TXNRD2: variants seen among roughly 807,000 people sequenced by gnomAD.
TXNRD2 encodes the protein thioredoxin reductase 2, mitochondrial.
Under a neutral mutation model 70.8 loss-of-function variants are expected in TXNRD2, and 67 were observed. The observed-to-expected ratio is 0.95, with a 90% CI of 0.78 to 1.16. The LOEUF (loss-of-function observed/expected upper bound fraction) is 1.16. TXNRD2 is among the 50% of genes most tolerant of loss of function. The pLI is 0.00. For synonymous variants in TXNRD2, 301 were observed against 295.8 expected (o/e 1.02, Z -0.18); for missense variants, 644 against 719.9 (o/e 0.89, Z 1.21).
chr22:19,898,958 G>C (rs942642652), intron 9 of TXNRD2, 91 bp downstream of exon 9: 2 of 1,527,290 alleles, frequency 1.3e-6, no homozygotes, highest in African/African-American at 2.7e-5. Context: ...AGGCAGCAAA[G>C]AGCCTGCCGG....
intron 1 of TXNRD2, among the ~76,000 whole-genome samples, chr22:19,939,279 T>C (rs1021683216): frequency 2.6e-5 from 4 of 152,222 alleles, no homozygotes; most frequent in Non-Finnish European, 5.9e-5. Flanking sequence ...AATGGCAATG[T>C]AAACCCCTCT....
At chr22:19,923,000 T>C (rs377386734) in intron 2 of TXNRD2, among the ~76,000 whole-genome samples, 1 of 152,172 alleles carries the variant, frequency 6.6e-6, no homozygotes, top group African/African-American at 2.4e-5. Flanking sequence ...AAGGATATTA[T>C]ATGCAATTTG....
intron 8 of TXNRD2, among the ~76,000 whole-genome samples, chr22:19,902,112 A>G (rs3788316): frequency 0.21 from 31,814 of 152,120 alleles, 4,335 homozygotes; most frequent in African/African-American, 0.38. Context: ...AAGGAGGATC[A>G]CTTGAGCCTA....
At chr22:19,892,404 G>A (rs1939305962) in intron 11 of TXNRD2, among the ~76,000 whole-genome samples, 1 of 152,244 alleles carries the variant, frequency 6.6e-6, no homozygotes, top group Non-Finnish European at 1.5e-5. Flanking sequence ...AGGGTCAGAG[G>A]CCAAGGACTG....
rs1202614629 is a variant in TXNRD2 at position 19,915,771 on chromosome 22, C to T, written c.522G>A (p.Gly174=). 6.2e-7 allele frequency: 1 copy of T among 1,614,100 alleles called. No homozygotes were observed. Among genetic ancestry groups the T allele is most frequent in the Admixed American group, 1.7e-5 (1 of 60,006 alleles). ...GAGTAAGTCAGATGCTCACCTCTTT[C>T]CCACCTTTGGCAACGCCGCAAACCG... ...EHTVCGVAKG[G]KEILLSADHI... Residue 174 remains glycine (G), a synonymous_variant, in exon 6 of 18, where the codon GGG becomes GGA. Coordinates refer to ENST00000400521, the MANE Select transcript of TXNRD2 (RefSeq NM_006440.5).
intron 7 of TXNRD2, 126 bp downstream of exon 7, chr22:19,915,088 T>C (rs1940573340): frequency 2.3e-6 from 2 of 872,186 alleles, no homozygotes; most frequent in African/African-American, 1.7e-5. Context: ...AAAGTGATGA[T>C]AGTGAGTATA....
At chr22:19,933,380 A>G in intron 1 of TXNRD2, 1 of 1,190,888 alleles carries the variant, frequency 8.4e-7, no homozygotes, top group Non-Finnish European at 1.1e-6. Context: ...ATGGAGAAGC[A>G]TCTCTCTCCT....
chr22:19,918,847 G>A lies in TXNRD2; in HGVS notation c.374+13C>T, dbSNP rs9606178. ...AAGAAAAGCACTGGAATGCCACGGC[G>A]CCAGATCCTTACCAGTCATGCGGCA... is the stretch of plus-strand genomic sequence containing the variant. On this transcript the variant is annotated intron_variant, in intron 4 of 17. Coordinates refer to ENST00000400521, the MANE Select transcript of TXNRD2 (RefSeq NM_006440.5). 0.031 allele frequency: 49,718 copies of A among 1,604,982 alleles called. 1,034 individuals carry two copies. The highest frequency in any genetic ancestry group is 0.076 in the South Asian group (6,954 of 91,052).
intron 5 of TXNRD2, among the ~76,000 whole-genome samples, chr22:19,917,305 G>C (rs1321440573): frequency 1.3e-5 from 2 of 152,180 alleles, no homozygotes; most frequent in Non-Finnish European, 2.9e-5. Flanking sequence ...GCCCCACAGA[G>C]AAACACAGAA....
At chr22:19,926,023 C>T (rs1230777246) in intron 2 of TXNRD2, among the ~76,000 whole-genome samples, 5 of 151,534 alleles carry the variant, frequency 3.3e-5, no homozygotes, top group Non-Finnish European at 7.4e-5. Context: ...ATTAGCCAGG[C>T]GTGGTGGTGC....
intron 10 of TXNRD2, among the ~76,000 whole-genome samples, chr22:19,895,863 C>T (rs980536774): frequency 2.6e-5 from 4 of 152,198 alleles, no homozygotes; most frequent in East Asian, 1.9e-4. Flanking sequence ...CAGCCAGATA[C>T]GGTCACACCT....
chr22:19,920,826 G>A (rs527717360), intron 2 of TXNRD2, among the ~76,000 whole-genome samples: 6 of 152,340 alleles, frequency 3.9e-5, no homozygotes, highest in East Asian at 3.9e-4. Flanking sequence ...TGCTTGGCTG[G>A]GTGCAGCGGC....
intron 8 of TXNRD2, among the ~76,000 whole-genome samples, chr22:19,909,934 A>C (rs1940322333): frequency 3.6e-5 from 3 of 83,588 alleles, no homozygotes; most frequent in Admixed American, 2.6e-4. Context: ...CACACACACC[A>C]CTCACACACC....
At chr22:19,889,004 G>A (rs1012140412) in intron 11 of TXNRD2, among the ~76,000 whole-genome samples, 3 of 151,650 alleles carry the variant, frequency 2.0e-5, no homozygotes, top group East Asian at 1.9e-4. Flanking sequence ...CCATCGAGAC[G>A]CCATGTTAGT....
At chr22:19,883,490 G>A (rs1346123201) in intron 11 of TXNRD2, 29 bp from the exon 12 acceptor site, 5 of 1,613,716 alleles carry the variant, frequency 3.1e-6, no homozygotes, top group Non-Finnish European at 3.4e-6. Context: ...GGGCTGAAAG[G>A]TTATCTTCAG....
chr22:19,920,728 A>G (rs1187268422), intron 2 of TXNRD2, among the ~76,000 whole-genome samples: 1 of 152,264 alleles, frequency 6.6e-6, no homozygotes, highest in African/African-American at 2.4e-5. Flanking sequence ...CATGAACCCT[A>G]AAATGCCAAG....
chr22:19,897,011 C>A (rs1183784742), intron 10 of TXNRD2, among the ~76,000 whole-genome samples: 3 of 152,216 alleles, frequency 2.0e-5, no homozygotes, highest in African/African-American at 7.2e-5. Flanking sequence ...GCACGGCCCC[C>A]ATTCTGCAGG....
intron 12 of TXNRD2, 89 bp downstream of exon 12, chr22:19,883,236 C>T: frequency 6.6e-7 from 1 of 1,523,742 alleles, no homozygotes; most frequent in South Asian, 1.2e-5. Context: ...TCGTTTCTCT[C>T]CTACAGGACG....
At chr22:19,888,406 G>A (rs1054990436) in intron 11 of TXNRD2, among the ~76,000 whole-genome samples, 1 of 152,232 alleles carries the variant, frequency 6.6e-6, no homozygotes, top group Non-Finnish European at 1.5e-5. Context: ...GATGGACACA[G>A]GGACACGGGG....
Sources: allele counts gnomAD v4.1 joint callset (sites outside exome capture counted in the v4.1 genomes callset), GRCh38; gene constraint gnomAD v4.1.1; transcripts MANE v1.5; gene names NCBI Gene and HGNC (gene_info 2026-07-23, HGNC 2026-07-21).